Variants in SCLY observed in about 807,000 individuals in gnomAD.
SCLY encodes putative selenocysteine lyase.
A neutral mutation model predicts 50.1 loss-of-function variants in SCLY; 38 were observed. The ratio of observed to expected loss-of-function variants is 0.76; its 90% CI spans 0.59 to 0.99. The LOEUF is 0.99. SCLY is among the 50% of genes least tolerant of loss of function. SCLY has a pLI of 0.00. For synonymous variants in SCLY, 243 were observed against 249.4 expected (o/e 0.97, Z 0.24); for missense variants, 600 against 620.0 (o/e 0.97, Z 0.34).
intron 4 of SCLY, chr2:238,079,507 C>A (rs899693492): frequency 2.0e-5 from 3 of 152,222 alleles, no homozygotes. Flanking sequence ...GGTGTCCTTT[C>A]CTTAATAGAC....
chr2:238,080,154 A>G (rs2065220905), intron 4 of SCLY: 1 of 152,026 alleles, frequency 6.6e-6, no homozygotes, highest in Admixed American at 6.6e-5. Context: ...TCTCTTGTTT[A>G]TCTTGAGGAC....
intron 7 of SCLY, among the ~76,000 whole-genome samples, chr2:238,084,590 CAAAAA>C (rs539648649): frequency 3.6e-4 from 16 of 44,702 alleles, no homozygotes; most frequent in African/African-American, 6.9e-4. Context: ...GACTCTGTCT[CAAAAA>C]AAAAAAAAAA....
At chr2:238,074,993 T>C (rs72983134) in intron 4 of SCLY, among the ~76,000 whole-genome samples, 377 of 152,366 alleles carry the variant, frequency 2.5e-3, no homozygotes, top group Non-Finnish European at 4.4e-3. Context: ...TTGCTAGTGA[T>C]TGTAAGGGAA....
intron 4 of SCLY, among the ~76,000 whole-genome samples, chr2:238,076,286 T>G (rs140289400): frequency 0.014 from 2,173 of 152,234 alleles, 53 homozygotes; most frequent in African/African-American, 0.048. Flanking sequence ...GAGACGGGGT[T>G]TTGCCATGTT....
intron 8 of SCLY, chr2:238,091,557 A>ACG: frequency 4.5e-5 from 15 of 332,150 alleles, no homozygotes; most frequent in Admixed American, 1.3e-4. Flanking sequence ...CACCATTCCC[A>ACG]AAGGCGTCGG....
At chr2:238,091,548 AC>A in intron 8 of SCLY, 1 of 327,516 alleles carries the variant, frequency 3.1e-6, no homozygotes, top group Non-Finnish European at 5.8e-6. Context: ...CTGCAGGTTC[AC>A]CATTCCCAAA....
rs769928766 is a variant in SCLY, at chr2:238,083,052, G to A, written c.778-196G>A. ...GTCTAGCACCTGCGCTGCCTCCTAG[G>A]TTGGGGTTCCACCCTGCCCCGAAGG... is the stretch of plus-strand genomic sequence containing the variant. On this transcript the variant is annotated intron_variant, in intron 6 of 11. Transcript: ENST00000254663. This position sits in a 1 kb window ranked among gnomAD's most constrained non-coding sequence, Gnocchi z 4.3. The A allele has an allele frequency of 6.0e-6, 4 of 671,824 alleles. No homozygotes were observed. The South Asian group carries it at 6.0e-5, about 10-fold the overall frequency. 41.6% of individuals were successfully genotyped at this position (671,824 alleles called of 1,614,324 possible). A position where few individuals can be genotyped will look rare whatever the true frequency, so the allele number is the denominator to read the frequency against.
chr2:238,088,037 A>G (rs1444976492), intron 7 of SCLY, among the ~76,000 whole-genome samples: 1 of 152,218 alleles, frequency 6.6e-6, no homozygotes, highest in Admixed American at 6.5e-5. Context: ...TCAAGGCTGC[A>G]TGAGCTATGA....
chr2:238,091,279 ATGAGT>A (rs537547908), intron 8 of SCLY, 25 bp downstream of exon 8: 59 of 1,605,466 alleles, frequency 3.7e-5, no homozygotes, highest in Non-Finnish European at 4.7e-5. Context: ...GCTTGAGGAG[ATGAGT>A]TGATTGCTTT....
chr2:238,095,425 A>G (rs563975139), intron 10 of SCLY: 2 of 152,332 alleles, frequency 1.3e-5, no homozygotes, highest in African/African-American at 4.8e-5. Flanking sequence ...GATGAGCTGC[A>G]TCTGTAAACA....
At chr2:238,091,559 A>ATCTACACCCTCCT in intron 8 of SCLY, 1 of 322,632 alleles carries the variant, frequency 3.1e-6, no homozygotes, top group South Asian at 3.8e-5. Context: ...CCATTCCCAA[A>ATCTACACCCTCCT]GGCGTCGGCA....
rs746409715 is a variant in SCLY at position 238,083,304 on chromosome 2, T to C, written c.834T>C (p.Pro278=). Reference sequence around the variant, plus strand: ...TACGAGGACTTGGTGAATTTACCCCTCTCTACCCTATGCTATTTGGAGGTG... The same window carrying C: ...TACGAGGACTTGGTGAATTTACCCCCCTCTACCCTATGCTATTTGGAGGTG... The part of the protein sequence containing the change: ...LYIRGLGEFT[P]LYPMLFGGGQ... Residue 278 remains proline (P), a synonymous_variant, in exon 7 of 12, where the codon CCT becomes CCC. Transcript: ENST00000254663. This position sits in a 1 kb window ranked among gnomAD's most constrained non-coding sequence, Gnocchi z 4.3. 1.2e-6 allele frequency: 2 copies of C among 1,614,018 alleles called. No individual in the cohort carries two copies. The highest frequency in any genetic ancestry group is 2.2e-5 in the South Asian group (2 of 91,074).
intron 1 of SCLY, 59 bp from the exon 2 acceptor site, chr2:238,064,298 A>G (rs547890188): frequency 1.1e-5 from 12 of 1,107,940 alleles, no homozygotes; most frequent in African/African-American, 9.5e-5. Flanking sequence ...CAGAGCAGCC[A>G]TATTTCCCAT....
At chr2:238,098,082 C>T (rs1164278094) in intron 11 of SCLY, 120 bp from the exon 12 acceptor site, 27 of 1,198,362 alleles carry the variant, frequency 2.3e-5, no homozygotes, top group East Asian at 5.2e-5. Context: ...GGATGCCAGG[C>T]GAGGCAGGCG....
At chr2:238,084,417 CT>C (rs34390699) in intron 7 of SCLY, among the ~76,000 whole-genome samples, 43,199 of 151,502 alleles carry the variant, frequency 0.29, 6,538 homozygotes, top group East Asian at 0.51. Flanking sequence ...ATGGTAAAAC[CT>C]TATCTCTACT....
chr2:238,069,499 C>A lies in SCLY; in HGVS notation c.484+22C>A. On this transcript the variant is annotated intron_variant, in intron 4 of 11. Coordinates refer to ENST00000254663, the MANE Select transcript of SCLY (RefSeq NM_016510.7). This position sits in a 1 kb window ranked among gnomAD's most constrained non-coding sequence, Gnocchi z 5.0. Reference sequence around the variant, plus strand: ...GCAGGTGAGTGAGTGCAGGGTGGCCCTGGGACCAGCCTGCTGAGCTCCAGC... The same window carrying A: ...GCAGGTGAGTGAGTGCAGGGTGGCCATGGGACCAGCCTGCTGAGCTCCAGC... 6.3e-7 allele frequency: 1 copy of A among 1,586,766 alleles called. No individual in the cohort carries two copies. The highest frequency in any genetic ancestry group is 8.6e-7 in the Non-Finnish European group (1 of 1,167,264).
chr2:238,092,563 T>C (rs1415236839), intron 8 of SCLY: 1 of 152,226 alleles, frequency 6.6e-6, no homozygotes, highest in Non-Finnish European at 1.5e-5. Context: ...CAGATGGGAA[T>C]CACGGTAACA....
rs1691366667 is a variant in SCLY, at chr2:238,098,703, C to T, written c.*348C>T. 6 of 201,814 alleles carry T rather than the reference C, an allele frequency of 3.0e-5. No homozygotes were observed. Among genetic ancestry groups the T allele is most frequent in the South Asian group, 2.6e-4 (1 of 3,792 alleles). 12.5% of individuals were successfully genotyped at this position (201,814 alleles called of 1,614,324 possible). A position where few individuals can be genotyped will look rare whatever the true frequency, so the allele number is the denominator to read the frequency against. On this transcript the variant is annotated 3_prime_UTR_variant, in exon 12 of 12. Coordinates refer to ENST00000254663, the MANE Select transcript of SCLY (RefSeq NM_016510.7). ...GTGAAGCGGAAACACTTAGCTTTAT[C>T]CACCCTCCCCACTGGGAACTGGGCA...
chr2:238,091,544 GTTCACC>G, intron 8 of SCLY: 15 of 413,784 alleles, frequency 3.6e-5, no homozygotes, highest in South Asian at 1.8e-4. Context: ...CAAGCTGCAG[GTTCACC>G]ATTCCCAAAG....
Sources: gnomAD v4.1 joint callset for allele counts (sites outside exome capture counted in the v4.1 genomes callset) on GRCh38, gnomAD v4.1.1 for gene constraint, Gnocchi (gnomAD v3.1) non-coding constraint, MANE v1.5 for transcripts, NCBI Gene and HGNC (gene_info 2026-07-23, HGNC 2026-07-21) for gene names.